The following DIS3L variants were observed in gnomAD, a reference collection of about 807,000 sequenced individuals.
DIS3L encodes the protein DIS3 like exosome 3'-5' exoribonuclease.
DIS3L carries 100 observed loss-of-function variants against 120.3 expected under a neutral mutation model. The ratio of observed to expected loss-of-function variants is 0.83; its 90% CI spans 0.71 to 0.98. DIS3L has a LOEUF of 0.98. Among genes scored for constraint, DIS3L ranks in the 50% least tolerant of loss-of-function variants. DIS3L has a pLI of 0.00. For synonymous variants in DIS3L, 426 were observed against 470.6 expected (o/e 0.91, Z 1.23); for missense variants, 1,196 against 1,314.2 (o/e 0.91, Z 1.39).
rs748072849 is a variant in DIS3L, at chr15:66,315,173, G to A, written c.952G>A (p.Asp318Asn). The change falls in exon 7 of 17, where the codon GAC (aspartate) becomes AAC (asparagine). Residue 318 changes from aspartate to asparagine, a missense_variant. Physicochemically the swap from Asp to Asn is conservative, Grantham distance 23. Transcript: ENST00000319212. ...AGCCCTGTGTGAGAATGACTGTGAC[G>A]ACAAGGCTTCGGGCGAGTCCCCAAG... ...TVALCENDCD[D>N]KASGESPSEP... is the part of the protein sequence containing the mutation. The A allele has an allele frequency of 5.3e-5, 85 of 1,613,892 alleles. No individual in the cohort carries two copies. The highest frequency in any genetic ancestry group is 6.9e-5 in the Non-Finnish European group (81 of 1,179,932).
intron 7 of DIS3L, among the ~76,000 whole-genome samples, chr15:66,317,308 G>A (rs1595743588): frequency 7.2e-6 from 1 of 139,304 alleles, no homozygotes; most frequent in Non-Finnish European, 1.5e-5. Context: ...CTAGAACAAA[G>A]CCTCATACCT....
intron 7 of DIS3L, among the ~76,000 whole-genome samples, chr15:66,317,004 A>G (rs1377677355): frequency 6.6e-6 from 1 of 152,092 alleles, no homozygotes. Flanking sequence ...CGCAGTGACA[A>G]CTTGTTCTTT....
Position 66,318,570 on chromosome 15 carries a change from C to T in DIS3L, c.1116C>T (p.Tyr372=), listed in dbSNP as rs751969457. The T allele has an allele frequency of 6.8e-6, 11 of 1,613,918 alleles. No homozygotes were observed. Among genetic ancestry groups the T allele is most frequent in the East Asian group, 2.2e-5 (1 of 44,860 alleles). ...AQKILVTPWD[Y]RIPKIRISTQ... is the part of the protein sequence containing the mutation. Reference sequence around the variant, plus strand: ...AAATCCTGGTTACACCTTGGGATTACAGAATTCCCAAAATTCGAATTAGCA... The same window carrying T: ...AAATCCTGGTTACACCTTGGGATTATAGAATTCCCAAAATTCGAATTAGCA... The change falls in exon 8 of 17, where the codon TAC becomes TAT. Residue 372 remains tyrosine, a synonymous_variant. Transcript: ENST00000319212.
At position 66,311,809 on chromosome 15, in the gene DIS3L, ATG is replaced by A. The variant is rs1180513879; in HGVS notation, c.645_646del (p.Asn215LysfsTer24). The A allele has an allele frequency of 3.1e-6, 5 of 1,614,030 alleles. No individual in the cohort carries two copies. In the African/African-American group the frequency reaches 4.0e-5, roughly 13 times the overall value. On this transcript the variant is annotated frameshift_variant, in exon 5 of 17. Coordinates refer to ENST00000319212, the MANE Select transcript of DIS3L (RefSeq NM_001143688.3). LOFTEE classifies it high-confidence loss of function. ...CTTCAGTCTCGACGGGAGAGAGAGA[ATG>A]AGAGTCAGGAGAGCCATGGGAAGGA...
chr15:66,299,862 G>C (rs1416793755), intron 2 of DIS3L, among the ~76,000 whole-genome samples: 2 of 152,008 alleles, frequency 1.3e-5, no homozygotes, highest in Admixed American at 1.3e-4. Context: ...TCCAGACTGG[G>C]CAACACGGTG....
intron 2 of DIS3L, among the ~76,000 whole-genome samples, chr15:66,297,179 C>A (rs1378651404): frequency 6.6e-6 from 1 of 152,190 alleles, no homozygotes; most frequent in Non-Finnish European, 1.5e-5. Context: ...TTCTTAAAGG[C>A]TAACTTTCAA....
intron 7 of DIS3L, among the ~76,000 whole-genome samples, chr15:66,316,242 C>T (rs1385774467): frequency 6.6e-6 from 1 of 152,124 alleles, no homozygotes; most frequent in Non-Finnish European, 1.5e-5. Context: ...CCCACGTGTT[C>T]CCCAGTCTCA....
intron 12 of DIS3L, among the ~76,000 whole-genome samples, chr15:66,328,599 T>G (rs1029409276): frequency 6.6e-6 from 1 of 152,208 alleles, no homozygotes; most frequent in African/African-American, 2.4e-5. Flanking sequence ...AATTTAGGTT[T>G]CTTTTACTTG....
intron 15 of DIS3L, 95 bp downstream of exon 15, chr15:66,332,115 G>T (rs1005075616): frequency 1.6e-4 from 194 of 1,219,808 alleles, no homozygotes; most frequent in Middle Eastern, 5.8e-4. Flanking sequence ...AAATATTTAA[G>T]CAACTAGTTA....
intron 7 of DIS3L, among the ~76,000 whole-genome samples, chr15:66,317,625 AGTG>A (rs1482757014): frequency 6.6e-6 from 1 of 152,166 alleles, no homozygotes; most frequent in Non-Finnish European, 1.5e-5. Flanking sequence ...AAATGGGACA[AGTG>A]GATTCTAAAT....
chr15:66,329,562 T>G (rs955299753), intron 14 of DIS3L, 163 bp downstream of exon 14: 31 of 1,325,406 alleles, frequency 2.3e-5, no homozygotes, highest in Non-Finnish European at 2.9e-5. Context: ...AGGTAACTTG[T>G]GGATTTGGGA....
chr15:66,308,778 A>C lies in DIS3L; in HGVS notation c.492A>C (p.Thr164=). The change falls in exon 4 of 17, where the codon ACA becomes ACC. Residue 164 remains threonine, a synonymous_variant. Coordinates refer to ENST00000319212, the MANE Select transcript of DIS3L (RefSeq NM_001143688.3). ...CQDRMPIVMV[T]EDEEAIQQYG... ...ACAGGATGCCAATTGTTATGGTGAC[A>C]GAAGATGAAGAGGCAATTCAGCAGT... 1 of 1,613,784 alleles carries C rather than the reference A, an allele frequency of 6.2e-7. No individual in the cohort carries two copies. The highest frequency in any genetic ancestry group is 1.1e-5 in the South Asian group (1 of 91,032).
In DIS3L at chr15:66,309,094, A is replaced by AAAAAAAATATATATATATATATATATAT; in HGVS notation, c.558+251_558+252insAAAAAATATATATATATATATATATATA. On this transcript the variant is annotated intron_variant, in intron 4 of 16. Coordinates refer to ENST00000319212, the MANE Select transcript of DIS3L (RefSeq NM_001143688.3). ...CTTGTCTCTACAGAAAAAAAAAAAA[A>AAAAAAAATATATATATATATATATATAT]ATATATATATCTCCAAGCATGGTGG... Among the ~76,000 whole-genome samples, 40 of 15,258 alleles carry AAAAAAAATATATATATATATATATATAT rather than the reference A, an allele frequency of 2.6e-3. 5 individuals carry two copies. Among genetic ancestry groups the AAAAAAAATATATATATATATATATATAT allele is most frequent in the East Asian group, 5.1e-3 (1 of 196 alleles). The allele number at this position is 15,258 out of a possible 152,430, so 10.0% of individuals were successfully genotyped here.
chr15:66,319,551 T>C (rs2092857784), intron 8 of DIS3L, among the ~76,000 whole-genome samples: 1 of 152,186 alleles, frequency 6.6e-6, no homozygotes, highest in African/African-American at 2.4e-5. Context: ...AACAAGAAGG[T>C]TAGAAATTAA....
At chr15:66,323,264 C>CT (rs2092904429) in intron 10 of DIS3L, among the ~76,000 whole-genome samples, 1 of 152,312 alleles carries the variant, frequency 6.6e-6, no homozygotes, top group African/African-American at 2.4e-5. Flanking sequence ...GTCACTTGCT[C>CT]TTTCTTTCTC....
intron 3 of DIS3L, 115 bp from the exon 4 acceptor site, chr15:66,308,594 C>G: frequency 3.8e-6 from 5 of 1,320,576 alleles, no homozygotes; most frequent in Non-Finnish European, 5.1e-6. Context: ...ATTTGTTGAA[C>G]GAATGAATGG....
At chr15:66,309,916 A>G (rs1017335917) in intron 4 of DIS3L, among the ~76,000 whole-genome samples, 3 of 152,184 alleles carry the variant, frequency 2.0e-5, no homozygotes, top group Non-Finnish European at 4.4e-5. Flanking sequence ...CAGATCTCAG[A>G]CAGGAGTGGC....
At position 66,318,432 on chromosome 15, in the gene DIS3L, G is replaced by C. The variant is rs1159959333; in HGVS notation, c.995-17G>C. 1 of 1,611,568 alleles carries C rather than the reference G, an allele frequency of 6.2e-7. No homozygotes were observed. The highest frequency in any genetic ancestry group is 2.2e-5 in the East Asian group (1 of 44,784). On this transcript the variant is annotated splice_polypyrimidine_tract_variant and intron_variant, in intron 7 of 16. Transcript: ENST00000319212. ...ACCTAACCAGTTAATGCCTTGTTTT[G>C]TTTTGTTTTGCCAAAGGTCGAGTGG...
At chr15:66,323,727 C>T (rs1201859953) in intron 11 of DIS3L, 142 bp downstream of exon 11, 4 of 757,334 alleles carry the variant, frequency 5.3e-6, no homozygotes, top group African/African-American at 1.7e-5. Context: ...ACCTCACCCC[C>T]GACCCCAACC....
Sources: gnomAD v4.1 joint callset for allele counts (sites outside exome capture counted in the v4.1 genomes callset) on GRCh38, gnomAD v4.1.1 for gene constraint, MANE v1.5 for transcripts, NCBI Gene and HGNC (gene_info 2026-07-23, HGNC 2026-07-21) for gene names.